BRINP3: variants seen among roughly 807,000 people sequenced by gnomAD.
BRINP3 encodes the protein BMP/retinoic acid-inducible neural-specific protein 3.
In BRINP3, 19 loss-of-function variants were observed where a neutral mutation model predicts 71.0. The ratio of observed to expected loss-of-function variants is 0.27; its 90% CI spans 0.19 to 0.39. The LOEUF (loss-of-function observed/expected upper bound fraction) is 0.39. Ranked by LOEUF, BRINP3 falls within the 10% of genes least tolerant of loss-of-function variation. The pLI is 1.00. For synonymous variants in BRINP3, 380 were observed against 337.7 expected (o/e 1.13, Z -1.37); for missense variants, 959 against 940.8 (o/e 1.02, Z -0.25).
intron 6 of BRINP3, among the ~76,000 whole-genome samples, chr1:190,175,180 G>A (rs1379732207): frequency 6.6e-6 from 1 of 152,036 alleles, no homozygotes; most frequent in Non-Finnish European, 1.5e-5. Flanking sequence ...TGTAATAGCA[G>A]GTCTAACACC....
chr1:190,392,311 A>G, intron 2 of BRINP3, among the ~76,000 whole-genome samples: 1 of 151,650 alleles, frequency 6.6e-6, no homozygotes. Context: ...GTTCTCTTAT[A>G]CAGACTGGGA....
chr1:190,190,355 T>G (rs1653926388), intron 6 of BRINP3, among the ~76,000 whole-genome samples: 1 of 152,148 alleles, frequency 6.6e-6, no homozygotes, highest in Non-Finnish European at 1.5e-5. Flanking sequence ...AAGGGTGATG[T>G]GGGTAATGTG....
chr1:190,386,069 T>C (rs1229080534), intron 2 of BRINP3, among the ~76,000 whole-genome samples: 1 of 106,688 alleles, frequency 9.4e-6, no homozygotes, highest in East Asian at 3.1e-4. Flanking sequence ...CATCACACTC[T>C]GGGGACTGTT....
chr1:190,274,789 G>A (rs1662408339), intron 3 of BRINP3, among the ~76,000 whole-genome samples: 1 of 151,408 alleles, frequency 6.6e-6, no homozygotes. Flanking sequence ...CTACTAGTAT[G>A]GTATTGTGGG....
chr1:190,188,778 A>G, intron 6 of BRINP3, among the ~76,000 whole-genome samples: 1 of 149,412 alleles, frequency 6.7e-6, no homozygotes, highest in East Asian at 2.0e-4. Context: ...TTTTTTTCAC[A>G]TGGTGGAGTC....
At chr1:190,453,754 C>A (rs963664257) in intron 2 of BRINP3, among the ~76,000 whole-genome samples, 46 of 152,114 alleles carry the variant, frequency 3.0e-4, no homozygotes, top group African/African-American at 9.6e-4. Context: ...AAGCACAGTG[C>A]CCTCTGGTGC....
intron 2 of BRINP3, among the ~76,000 whole-genome samples, chr1:190,429,125 A>G (rs1310086020): frequency 6.6e-6 from 1 of 152,156 alleles, no homozygotes; most frequent in Admixed American, 6.6e-5. Flanking sequence ...ATAAAGATAC[A>G]CAAATTTAAA....
intron 1 of BRINP3, among the ~76,000 whole-genome samples, chr1:190,460,959 C>T: frequency 6.6e-6 from 1 of 152,094 alleles, no homozygotes. Context: ...CCAACTTTGC[C>T]TCTAAAATGT....
rs557249862 is a variant in BRINP3, at chr1:190,472,730, C to T, written c.-51+4718G>A. The stretch of plus-strand genomic sequence containing the variant: ...CATTCTTTGTACTTGTGGAGAGAAA[C>T]CCACAAATACACTACACTGCAAATA... On this transcript the variant is annotated intron_variant, in intron 1 of 7. Coordinates refer to ENST00000367462, the MANE Select transcript of BRINP3 (RefSeq NM_199051.3). Among the ~76,000 whole-genome samples, 3 of 151,530 alleles carry T rather than the reference C, an allele frequency of 2.0e-5. No homozygotes were observed. The South Asian group carries it at 6.2e-4, about 31-fold the overall frequency.
At chr1:190,119,722 A>G (rs1653472048) in intron 7 of BRINP3, among the ~76,000 whole-genome samples, 1 of 152,254 alleles carries the variant, frequency 6.6e-6, no homozygotes, top group Admixed American at 6.5e-5. Flanking sequence ...AGGAAAGGCA[A>G]CAATGATGAG....
intron 2 of BRINP3, among the ~76,000 whole-genome samples, chr1:190,392,783 A>G (rs1415943869): frequency 1.3e-5 from 2 of 151,620 alleles, no homozygotes; most frequent in Non-Finnish European, 3.0e-5. Flanking sequence ...AAGGGGAAAA[A>G]AATCTTTATT....
chr1:190,111,784 C>A (rs754921835), intron 7 of BRINP3, among the ~76,000 whole-genome samples: 5 of 152,018 alleles, frequency 3.3e-5, no homozygotes, highest in Admixed American at 6.6e-5. Context: ...TCATAATTGG[C>A]CCTGAAATCA....
intron 6 of BRINP3, among the ~76,000 whole-genome samples, chr1:190,190,484 T>C (rs1653938074): frequency 1.3e-5 from 2 of 152,126 alleles, no homozygotes; most frequent in Admixed American, 6.6e-5. Flanking sequence ...GCATGAGTAG[T>C]TGTTCAAACT....
chr1:190,473,503 T>C (rs755488265), intron 1 of BRINP3, among the ~76,000 whole-genome samples: 17 of 150,330 alleles, frequency 1.1e-4, no homozygotes, highest in Non-Finnish European at 2.1e-4. Context: ...TATTAACAAA[T>C]AGAAGAGTTT....
At chr1:190,458,162 T>A (rs1236112512) in intron 1 of BRINP3, among the ~76,000 whole-genome samples, 1 of 152,100 alleles carries the variant, frequency 6.6e-6, no homozygotes, top group East Asian at 1.9e-4. Context: ...TACTTCTGAC[T>A]TTGGGAACAT....
At chr1:190,292,079 T>C (rs537652992) in intron 2 of BRINP3, among the ~76,000 whole-genome samples, 40 of 152,244 alleles carry the variant, frequency 2.6e-4, no homozygotes, top group African/African-American at 9.1e-4. Flanking sequence ...CTTTCTCATA[T>C]GTGAAATCTG....
chr1:190,359,738 T>A (rs1014738799), intron 2 of BRINP3, among the ~76,000 whole-genome samples: 6 of 152,150 alleles, frequency 3.9e-5, no homozygotes, highest in African/African-American at 7.2e-5. Context: ...CCTATGTACT[T>A]CATCCTCCTT....
chr1:190,176,572 G>C (rs921274858), intron 6 of BRINP3, among the ~76,000 whole-genome samples: 8 of 152,076 alleles, frequency 5.3e-5, no homozygotes, highest in Non-Finnish European at 8.8e-5. Context: ...CTTGGAAGTA[G>C]TTTTACTTTC....
At chr1:190,217,719 A>G (rs1374953068) in intron 6 of BRINP3, among the ~76,000 whole-genome samples, 1 of 152,068 alleles carries the variant, frequency 6.6e-6, no homozygotes, top group Non-Finnish European at 1.5e-5. Flanking sequence ...TTTCAGGGAT[A>G]CTATATCAGA....
Sources: gnomAD v4.1 joint callset for allele counts (sites outside exome capture counted in the v4.1 genomes callset) on GRCh38, gnomAD v4.1.1 for gene constraint, MANE v1.5 for transcripts, NCBI Gene and HGNC (gene_info 2026-07-23, HGNC 2026-07-21) for gene names.